The following ZAN variants were observed in gnomAD, a reference collection of about 807,000 sequenced individuals.
The protein encoded by ZAN is zonadhesin, also known as zonadhesin (gene/pseudogene).
In ZAN, 260 loss-of-function variants were observed where a neutral mutation model predicts 286.2. The ratio of observed to expected loss-of-function variants is 0.91; its 90% CI spans 0.82 to 1.01. The LOEUF is 1.01. ZAN is among the 50% of genes least tolerant of loss of function. The pLI, the probability that ZAN is intolerant of heterozygous loss-of-function variation, is 0.00. For synonymous variants in ZAN, 1,368 were observed against 1,417.5 expected, an observed-to-expected ratio of 0.97 and a Z score of 0.79; for missense variants, 3,410 against 3,639.2, an observed-to-expected ratio of 0.94 and a Z score of 1.62.
Position 100,775,253 on chromosome 7 carries a change from C to A in ZAN, c.5780-75C>A, listed in dbSNP as rs959180672. The stretch of plus-strand genomic sequence containing the variant: ...ACTCTTTTCTGGAAGGCAGGGAGAA[C>A]CCAGGACTAGTTTCCCAGGGACCCT... On this transcript the variant is annotated intron_variant, in intron 31 of 47. Coordinates refer to ENST00000613979, the MANE Select transcript of ZAN (RefSeq NM_003386.3). 7 of 1,536,898 alleles carry A rather than the reference C, an allele frequency of 4.6e-6. No individual in the cohort carries two copies. In the African/African-American group the frequency reaches 8.2e-5, roughly 18 times the overall value.
intron 23 of ZAN, among the ~76,000 whole-genome samples, chr7:100,766,244 C>T (rs1040368496): frequency 1.3e-5 from 2 of 152,210 alleles, no homozygotes; most frequent in African/African-American, 4.8e-5. Flanking sequence ...GCCTTGGCCT[C>T]CCAAAGTGCT....
chr7:100,748,566 G>A lies in ZAN; in HGVS notation c.1249+96G>A, dbSNP rs1046296219. ...TGACTGATGGGAGACGTTGTTTCAG[G>A]CAGTGGGAAGATCAGTCCACAGGTG... On this transcript the variant is annotated intron_variant, in intron 11 of 47. Coordinates refer to ENST00000613979, the MANE Select transcript of ZAN (RefSeq NM_003386.3). The A allele has an allele frequency of 2.0e-6, 3 of 1,486,004 alleles. No homozygotes were observed. The African/African-American group carries it at 4.2e-5, about 21-fold the overall frequency. 92.1% of individuals were successfully genotyped at this position (1,486,004 alleles called of 1,614,324 possible).
At chr7:100,793,311 C>T (rs1462772754) in intron 42 of ZAN, among the ~76,000 whole-genome samples, 3 of 151,560 alleles carry the variant, frequency 2.0e-5, no homozygotes, top group Non-Finnish European at 2.9e-5. Flanking sequence ...CCTGGGCACT[C>T]CAGCCTGGGC....
In ZAN at chr7:100,736,905, T is replaced by C. The variant is rs1807341283; in HGVS notation, c.350T>C (p.Val117Ala). Reference protein sequence around the residue: ...PDLWEQGPLCVHFAHHMFGLS... With the variant: ...PDLWEQGPLCAHFAHHMFGLS... ...CTATGGGAGCAAGGCCCCCTCTGTG[T>C]GCACTTTGCCCACCACATGTTCGGG... Residue 117 changes from valine to alanine, a missense_variant, in exon 5 of 48, where the codon GTG (valine) becomes GCG (alanine). Around this residue, in one of 7 missense-constraint regions of ZAN, gnomAD observed 872 missense variants for 938.9 expected, o/e 0.93. Transcript: ENST00000613979. The C allele has an allele frequency of 1.3e-6, 2 of 1,491,882 alleles. No homozygotes were observed. The highest frequency in any genetic ancestry group is 3.4e-4 in the Middle Eastern group (2 of 5,914). The allele number at this position is 1,491,882 out of a possible 1,614,324, so 92.4% of individuals were successfully genotyped here.
chr7:100,776,895 G>A (rs888081370), intron 34 of ZAN, among the ~76,000 whole-genome samples: 2 of 145,618 alleles, frequency 1.4e-5, no homozygotes, highest in African/African-American at 5.0e-5. Flanking sequence ...ACCGCGCCCG[G>A]CTAATTTTTT....
intron 7 of ZAN, among the ~76,000 whole-genome samples, chr7:100,743,056 T>TCAC (rs1807926857): frequency 9.8e-6 from 1 of 101,598 alleles, no homozygotes; most frequent in Non-Finnish European, 2.3e-5. Context: ...AGACAGAATC[T>TCAC]TGCTGTTGCC....
intron 15 of ZAN, among the ~76,000 whole-genome samples, chr7:100,756,838 C>T (rs1471666787): frequency 5.9e-5 from 9 of 152,094 alleles, no homozygotes; most frequent in Admixed American, 1.3e-4. Context: ...GTGCCATCTC[C>T]GCTCACTGCA....
chr7:100,749,825 T>A (rs1808518435), intron 11 of ZAN, among the ~76,000 whole-genome samples: 1 of 149,908 alleles, frequency 6.7e-6, no homozygotes. Flanking sequence ...CTGAGACGGG[T>A]GGATCACTTG....
At chr7:100,790,875 T>C in intron 39 of ZAN, 67 bp from the exon 40 acceptor site, 1 of 1,378,296 alleles carries the variant, frequency 7.3e-7, no homozygotes, top group Non-Finnish European at 9.6e-7. Flanking sequence ...AGAGCAAGAC[T>C]GTCTAAAAAA....
Position 100,761,495 on chromosome 7 carries a change from G to A in ZAN, c.3843-720G>A, listed in dbSNP as rs140111271. On this transcript the variant is annotated intron_variant, in intron 19 of 47. Coordinates refer to ENST00000613979, the MANE Select transcript of ZAN (RefSeq NM_003386.3). ...TCTCTTAAAAAAAAATTAGCTTCTC[G>A]TGGTGGTACTTGCCTGTAGTCTCAG... is the stretch of plus-strand genomic sequence containing the variant. Among the ~76,000 whole-genome samples the A allele has an allele frequency of 1.5e-4, 23 of 152,132 alleles. 1 individual carries two copies. Among genetic ancestry groups the A allele is most frequent in the African/African-American group, 5.1e-4 (21 of 41,530 alleles).
At chr7:100,783,787 C>CACACACAT (rs1182700250) in intron 35 of ZAN, among the ~76,000 whole-genome samples, 3 of 11,030 alleles carry the variant, frequency 2.7e-4, no homozygotes, top group Admixed American at 1.5e-3. Context: ...TATATATACA[C>CACACACAT]ATATATATAT....
chr7:100,777,450 G>T (rs1223014830), intron 34 of ZAN, among the ~76,000 whole-genome samples: 1 of 152,080 alleles, frequency 6.6e-6, no homozygotes, highest in Non-Finnish European at 1.5e-5. Context: ...TGCTTCCGGG[G>T]TTCAAGCAAT....
chr7:100,792,103 C>G lies in ZAN; in HGVS notation c.7667C>G (p.Pro2556Arg). Residue 2556 changes from proline (P) to arginine (R), a missense_variant, in exon 41 of 48, where the codon CCC becomes CGC. By Grantham distance (103) the Pro-to-Arg change is moderately radical. This residue lies in a region of ZAN where 1,289 missense variants were observed against 1,314.3 expected (regional missense o/e 0.98). Transcript: ENST00000613979. ...ACRVLADPQG[P>R]FAACHQTVAP... ...AGGGTGCTGGCAGACCCCCAGGGCCCCTTTGCTGCCTGTCACCAGACGGTG... is the reference window on the plus strand; with the variant it reads ...AGGGTGCTGGCAGACCCCCAGGGCCGCTTTGCTGCCTGTCACCAGACGGTG... 1 of 1,612,620 alleles carries G rather than the reference C, an allele frequency of 6.2e-7. No individual in the cohort carries two copies. Among genetic ancestry groups the G allele is most frequent in the Non-Finnish European group, 8.5e-7 (1 of 1,179,648 alleles).
At chr7:100,762,765 G>T (rs1372974018) in intron 20 of ZAN, among the ~76,000 whole-genome samples, 1 of 150,158 alleles carries the variant, frequency 6.7e-6, no homozygotes, top group African/African-American at 2.5e-5. Context: ...TTTGAGATGG[G>T]ATCTCCCTCT....
intron 33 of ZAN, 122 bp downstream of exon 33, chr7:100,775,955 C>G: frequency 6.1e-6 from 8 of 1,320,096 alleles, no homozygotes; most frequent in Non-Finnish European, 8.3e-6. Flanking sequence ...CAGGATGGAG[C>G]AGGGCAGTGG....
rs529280303 is a variant in ZAN at position 100,765,068 on chromosome 7, A to G, written c.4268-284A>G. 2.3e-4 allele frequency among the ~76,000 whole-genome samples: 35 copies of G among 152,218 alleles called. No homozygotes were observed. In the South Asian group the frequency reaches 5.6e-3, roughly 24 times the overall value. On this transcript the variant is annotated intron_variant, in intron 22 of 47. Transcript: ENST00000613979. ...AGGTGGCCCCGGTCCCCTGCGGGCC[A>G]ACAGCTCACCTGGGGCATGTCTACA...
chr7:100,738,622 C>A lies in ZAN; in HGVS notation c.766+9C>A. Reference sequence around the variant, plus strand: ...CTTCTCTAGCCCTGGTAGTGAGTAGCGGCCATGCTTCTGTCCCTTGACTTT... The same window carrying A: ...CTTCTCTAGCCCTGGTAGTGAGTAGAGGCCATGCTTCTGTCCCTTGACTTT... On this transcript the variant is annotated intron_variant, in intron 7 of 47. Coordinates refer to ENST00000613979, the MANE Select transcript of ZAN (RefSeq NM_003386.3). 1 of 1,513,974 alleles carries A rather than the reference C, an allele frequency of 6.6e-7. No homozygotes were observed. The highest frequency in any genetic ancestry group is 9.1e-7 in the Non-Finnish European group (1 of 1,102,866). The allele number at this position is 1,513,974 out of a possible 1,614,324, so 93.8% of individuals were successfully genotyped here. A position where few individuals can be genotyped will look rare whatever the true frequency, so the allele number is the denominator to read the frequency against.
At chr7:100,779,772 C>T (rs1364520550) in intron 35 of ZAN, 22 bp downstream of exon 35, 1 of 1,536,236 alleles carries the variant, frequency 6.5e-7, no homozygotes, top group Non-Finnish European at 8.8e-7. Flanking sequence ...CTGCTGTCAC[C>T]CCAAACCCCT....
At chr7:100,751,080 C>T (rs144573538) in intron 12 of ZAN, 102 bp from the exon 13 acceptor site, 85 of 1,341,594 alleles carry the variant, frequency 6.3e-5, no homozygotes, top group African/African-American at 2.4e-4. Flanking sequence ...TGGAACAAGG[C>T]GACATTTTGG....
Sources: gnomAD v4.1 joint callset for allele counts (sites outside exome capture counted in the v4.1 genomes callset) on GRCh38, gnomAD v4.1.1 for gene constraint, gnomAD v4.1.1 regional missense constraint, MANE v1.5 for transcripts, NCBI Gene and HGNC (gene_info 2026-07-23, HGNC 2026-07-21) for gene names.